The following RGS22 variants were observed in gnomAD, a reference collection of about 807,000 sequenced individuals.
RGS22 encodes the protein regulator of G protein signaling 22.
RGS22 carries 148 observed loss-of-function variants against 172.9 expected under a neutral mutation model. The ratio of observed to expected loss-of-function variants is 0.86; its 90% CI spans 0.75 to 0.98. The LOEUF is 0.98. Ranked by LOEUF, RGS22 falls within the 50% of genes least tolerant of loss-of-function variation. The pLI, the probability that RGS22 is intolerant of heterozygous loss-of-function variation, is 0.00. For synonymous variants in RGS22, 458 were observed against 480.2 expected (o/e 0.95, Z 0.60); for missense variants, 1,347 against 1,440.8 (o/e 0.93, Z 1.05).
intron 10 of RGS22, among the ~76,000 whole-genome samples, chr8:100,050,002 C>G (rs906383572): frequency 1.3e-5 from 2 of 150,744 alleles, no homozygotes; most frequent in Non-Finnish European, 3.0e-5. Context: ...TGAGCCGAGA[C>G]CATGCCATTG....
intron 26 of RGS22, 86 bp from the exon 27 acceptor site, chr8:99,962,529 C>T: frequency 1.4e-6 from 2 of 1,480,408 alleles, no homozygotes; most frequent in Non-Finnish European, 9.4e-7. Flanking sequence ...AAGCAGGACT[C>T]ACACACACGG....
intron 2 of RGS22, among the ~76,000 whole-genome samples, chr8:100,098,652 GA>G (rs1250518549): frequency 2.6e-5 from 4 of 151,936 alleles, no homozygotes; most frequent in African/African-American, 9.7e-5. Flanking sequence ...TATCTATCCA[GA>G]AGCACTTTTC....
chr8:100,083,814 C>G (rs1454199196), intron 3 of RGS22, among the ~76,000 whole-genome samples: 2 of 150,592 alleles, frequency 1.3e-5, no homozygotes, highest in Non-Finnish European at 3.0e-5. Context: ...CTAGAACTGA[C>G]CGCGTAATTT....
rs1491187787 is a variant in RGS22 at position 100,091,293 on chromosome 8, CCA to C, written c.117+2152_117+2153del. Reference sequence around the variant, plus strand: ...CCTGAATGTAGATGCAAGAGGAACTCCAAAAAAAAAAAAAAAAGAGGAGGTAA... The same window carrying C: ...CCTGAATGTAGATGCAAGAGGAACTCAAAAAAAAAAAAAAAGAGGAGGTAA... On this transcript the variant is annotated intron_variant, in intron 3 of 27. Coordinates refer to ENST00000360863, the MANE Select transcript of RGS22 (RefSeq NM_015668.5). Among the ~76,000 whole-genome samples, 166 of 101,840 alleles carry C rather than the reference CCA, an allele frequency of 1.6e-3. 1 individual carries two copies. The highest frequency in any genetic ancestry group is 7.5e-3 in the African/African-American group (140 of 18,790). 66.8% of individuals were successfully genotyped at this position (101,840 alleles called of 152,430 possible). A position where few individuals can be genotyped will look rare whatever the true frequency, so the allele number is the denominator to read the frequency against.
At chr8:100,035,033 G>A (rs1819287215) in intron 14 of RGS22, among the ~76,000 whole-genome samples, 2 of 152,160 alleles carry the variant, frequency 1.3e-5, no homozygotes, top group Admixed American at 6.5e-5. Context: ...ATACCATTCA[G>A]GACATAGGCA....
At chr8:100,071,730 T>TTTTGACTTAATTGA (rs1044711747) in intron 5 of RGS22, among the ~76,000 whole-genome samples, 193 bp from the exon 6 acceptor site, 3 of 152,340 alleles carry the variant, frequency 2.0e-5, no homozygotes, top group Non-Finnish European at 2.9e-5. Context: ...TTTTAATTGA[T>TTTTGACTTAATTGA]TTTGACTTAA....
chr8:99,999,281 G>A lies in RGS22; in HGVS notation c.2930C>T (p.Ala977Val), dbSNP rs1291877471. The A allele has an allele frequency of 2.5e-6, 4 of 1,613,458 alleles. No homozygotes were observed. Among genetic ancestry groups the A allele is most frequent in the Non-Finnish European group, 2.5e-6 (3 of 1,179,844 alleles). ...LPLFLASEQF[A>V]ARQKIKVQMK... ...ATATACCTTTATCTTCTGACGTGCT[G>A]CAAACTGTTCACTTGCAAGAAACAA... The change falls in exon 19 of 28, where the codon GCA becomes GTA. Residue 977 changes from alanine to valine, a missense_variant. By Grantham distance (64) the Ala-to-Val change is moderately conservative (BLOSUM62 0). Coordinates refer to ENST00000360863, the MANE Select transcript of RGS22 (RefSeq NM_015668.5).
chr8:99,982,312 C>T (rs931978288), intron 21 of RGS22, among the ~76,000 whole-genome samples, 196 bp from the exon 22 acceptor site: 6 of 152,174 alleles, frequency 3.9e-5, no homozygotes, highest in African/African-American at 1.4e-4. Context: ...GACTTTGATA[C>T]ATCTACATTA....
chr8:100,063,628 T>C lies in RGS22; in HGVS notation c.1140A>G (p.Ile380Met). The change falls in exon 8 of 28, where the codon ATA becomes ATG. Residue 380 changes from isoleucine (I) to methionine (M), a missense_variant. Transcript: ENST00000360863. ...TCTTTGAACTTAAACTTGTTTGTTC[T>C]ATCTCTTCTGACCTCTCCTTTGTAG... ...VQTTKERSEE[I>M]EQTSLSSKNE... 6.2e-7 allele frequency: 1 copy of C among 1,614,138 alleles called. No individual in the cohort carries two copies. Among genetic ancestry groups the C allele is most frequent in the Non-Finnish European group, 8.5e-7 (1 of 1,179,998 alleles).
chr8:100,057,799 C>T (rs1335794871), intron 9 of RGS22, among the ~76,000 whole-genome samples: 2 of 152,056 alleles, frequency 1.3e-5, no homozygotes, highest in African/African-American at 4.8e-5. Flanking sequence ...CTCTTCAATG[C>T]CCAGACACTA....
chr8:100,063,820 TA>T lies in RGS22; in HGVS notation c.947del (p.Leu316Ter). The T allele has an allele frequency of 6.2e-7, 1 of 1,609,596 alleles. No individual in the cohort carries two copies. The highest frequency in any genetic ancestry group is 1.1e-5 in the South Asian group (1 of 89,524). On this transcript the variant is annotated frameshift_variant, in exon 8 of 28. Coordinates refer to ENST00000360863, the MANE Select transcript of RGS22 (RefSeq NM_015668.5). LOFTEE classifies it high-confidence loss of function. ...TCAAAATAAAGTATATATAGGAGCT[TA>T]AAAATTCTTCACATGTTGAGAAATG... ...TMHFSTCEEF[L>X]SSYIYFILRG...
intron 14 of RGS22, among the ~76,000 whole-genome samples, chr8:100,014,115 C>T (rs72676282): frequency 6.6e-6 from 1 of 151,268 alleles, no homozygotes; most frequent in Non-Finnish European, 1.5e-5. Flanking sequence ...GGTATAAATG[C>T]CCTCAACTTT....
In RGS22 at chr8:99,962,410, G is replaced by C. The variant is rs556135154; in HGVS notation, c.*29C>G. ...ATGACGTACCTTGAACCTATCAGCA[G>C]CAGGATGTAAACATTCACAAGAATG... On this transcript the variant is annotated 3_prime_UTR_variant, in exon 27 of 28. Transcript: ENST00000360863. The C allele has an allele frequency of 8.1e-6, 13 of 1,612,388 alleles. No individual in the cohort carries two copies. The highest frequency in any genetic ancestry group is 5.3e-5 in the African/African-American group (4 of 74,844).
intron 6 of RGS22, among the ~76,000 whole-genome samples, chr8:100,069,660 A>G (rs1175124853): frequency 2.0e-5 from 3 of 152,236 alleles, no homozygotes; most frequent in Non-Finnish European, 4.4e-5. Flanking sequence ...AATCCAAATT[A>G]TAGCAATTTT....
At chr8:99,999,492 C>T in intron 18 of RGS22, 72 bp from the exon 19 acceptor site, 6 of 1,527,700 alleles carry the variant, frequency 3.9e-6, no homozygotes, top group Non-Finnish European at 5.4e-6. Flanking sequence ...TTAATTCATT[C>T]ATTCACTACA....
At chr8:100,039,163 T>A in intron 13 of RGS22, 131 bp from the exon 14 acceptor site, 1 of 468,954 alleles carries the variant, frequency 2.1e-6, no homozygotes, top group East Asian at 3.2e-5. Context: ...TAAGATGGTT[T>A]TAATCTTCTA....
At position 99,987,516 on chromosome 8, in the gene RGS22, A is replaced by G; in HGVS notation, c.3122T>C (p.Leu1041Pro). The G allele has an allele frequency of 6.2e-7, 1 of 1,612,030 alleles. No homozygotes were observed. Among genetic ancestry groups the G allele is most frequent in the East Asian group, 2.2e-5 (1 of 44,772 alleles). The change falls in exon 21 of 28, where the codon CTA becomes CCA. Residue 1041 changes from leucine to proline, a missense_variant. Leu to Pro is a moderately conservative substitution (Grantham distance 98). Transcript: ENST00000360863. Reference protein sequence around the residue: ...TSRQFQRFVALKGDLLENGLL... With the variant: ...TSRQFQRFVAPKGDLLENGLL... ...ACCATTTTCCAATAAATCTCCTTTTAGAGCCACAAAACGTTGAAATTGTCT... is the reference window on the plus strand; with the variant it reads ...ACCATTTTCCAATAAATCTCCTTTTGGAGCCACAAAACGTTGAAATTGTCT...
At chr8:100,033,263 G>A (rs1218665404) in intron 14 of RGS22, among the ~76,000 whole-genome samples, 1 of 152,048 alleles carries the variant, frequency 6.6e-6, no homozygotes, top group Non-Finnish European at 1.5e-5. Context: ...AAAATTGATA[G>A]ACCAAAGCAA....
chr8:99,969,486 C>T (rs959638453), intron 23 of RGS22, among the ~76,000 whole-genome samples: 9 of 151,642 alleles, frequency 5.9e-5, no homozygotes, highest in African/African-American at 1.2e-4. Flanking sequence ...TGCTGTATCC[C>T]GGAGACCCAT....
Sources: allele counts gnomAD v4.1 joint callset (sites outside exome capture counted in the v4.1 genomes callset), GRCh38; gene constraint gnomAD v4.1.1; transcripts MANE v1.5; gene names NCBI Gene and HGNC (gene_info 2026-07-23, HGNC 2026-07-21).